NDST4: variants seen among roughly 807,000 people sequenced by gnomAD.
NDST4 encodes the protein N-deacetylase and N-sulfotransferase 4.
NDST4 carries 63 observed loss-of-function variants against 100.8 expected under a neutral mutation model. The ratio of observed to expected loss-of-function variants is 0.62; its 90% CI spans 0.51 to 0.77. The LOEUF is 0.77. Ranked by LOEUF, NDST4 falls within the 30% of genes least tolerant of loss-of-function variation. NDST4 has a pLI of 0.00. For missense variants in NDST4, 943 were observed against 1,018.4 expected (o/e 0.93, Z 1.01); for synonymous variants, 377 against 361.8 (o/e 1.04, Z -0.48).
At chr4:115,043,176 TA>T (rs1728390244) in intron 2 of NDST4, among the ~76,000 whole-genome samples, 1 of 148,026 alleles carries the variant, frequency 6.8e-6, no homozygotes, top group Non-Finnish European at 1.5e-5. Flanking sequence ...AATATAACTT[TA>T]AAAATAAAAA....
At chr4:115,018,555 A>G (rs1177288694) in intron 2 of NDST4, among the ~76,000 whole-genome samples, 3 of 151,972 alleles carry the variant, frequency 2.0e-5, no homozygotes, top group Non-Finnish European at 1.5e-5. Context: ...GAGTGCTTCT[A>G]TAACTATTAT....
At chr4:115,003,715 A>C (rs1727349576) in intron 2 of NDST4, among the ~76,000 whole-genome samples, 1 of 151,930 alleles carries the variant, frequency 6.6e-6, no homozygotes, top group Non-Finnish European at 1.5e-5. Flanking sequence ...AAAGTATAAA[A>C]AAATTAGCCA....
chr4:115,108,772 T>C (rs1729882014), intron 1 of NDST4, among the ~76,000 whole-genome samples: 1 of 151,986 alleles, frequency 6.6e-6, no homozygotes, highest in Non-Finnish European at 1.5e-5. Context: ...ATTTCACTTT[T>C]CCTTGATTGC....
chr4:115,089,589 CTG>C (rs1226467886), intron 1 of NDST4, among the ~76,000 whole-genome samples: 2 of 151,768 alleles, frequency 1.3e-5, no homozygotes, highest in East Asian at 1.9e-4. Context: ...CCCCAGAAGA[CTG>C]TGGGTACATT....
chr4:115,042,324 C>T (rs1045290120), intron 2 of NDST4, among the ~76,000 whole-genome samples: 1 of 152,010 alleles, frequency 6.6e-6, no homozygotes, highest in African/African-American at 2.4e-5. Context: ...CGTTATGGCT[C>T]AATGATCCAA....
intron 6 of NDST4, among the ~76,000 whole-genome samples, chr4:114,913,664 T>G (rs1725108139): frequency 6.6e-6 from 1 of 150,822 alleles, no homozygotes; most frequent in African/African-American, 2.4e-5. Flanking sequence ...AACTTTTCAA[T>G]CTACTACAGT....
chr4:114,836,659 G>C (rs1027735091), intron 11 of NDST4, among the ~76,000 whole-genome samples: 6 of 152,094 alleles, frequency 3.9e-5, no homozygotes, highest in Non-Finnish European at 7.4e-5. Context: ...GTGAATGTTG[G>C]CCTGTCTTGC....
chr4:115,026,413 CTTAT>C (rs1560571860), intron 2 of NDST4, among the ~76,000 whole-genome samples: 2 of 91,210 alleles, frequency 2.2e-5, no homozygotes, highest in East Asian at 4.9e-4. Context: ...TTCTCATAGT[CTTAT>C]TTTTTTTTAA....
At chr4:114,959,280 T>C (rs149023110) in intron 4 of NDST4, among the ~76,000 whole-genome samples, 48 of 151,504 alleles carry the variant, frequency 3.2e-4, no homozygotes, top group African/African-American at 1.1e-3. Context: ...CAAAGTCACA[T>C]CCACAATTTT....
At chr4:114,910,924 T>C (rs1725049197) in intron 6 of NDST4, among the ~76,000 whole-genome samples, 1 of 152,214 alleles carries the variant, frequency 6.6e-6, no homozygotes, top group Admixed American at 6.5e-5. Flanking sequence ...TTGTTTCTCA[T>C]TATCTCCATT....
intron 7 of NDST4, 137 bp downstream of exon 7, chr4:114,870,631 A>T (rs372214640): frequency 4.6e-6 from 3 of 646,408 alleles, no homozygotes; most frequent in East Asian, 6.8e-5. Flanking sequence ...GAGGAAGAGG[A>T]TAAAAGTATT....
intron 2 of NDST4, among the ~76,000 whole-genome samples, chr4:115,023,159 T>A (rs1727896998): frequency 6.6e-6 from 1 of 151,922 alleles, no homozygotes; most frequent in Admixed American, 6.6e-5. Context: ...GGGTGATGGG[T>A]GCACCAAAAT....
intron 9 of NDST4, among the ~76,000 whole-genome samples, chr4:114,847,796 G>A (rs947304571): frequency 3.3e-5 from 5 of 152,048 alleles, no homozygotes; most frequent in Non-Finnish European, 5.9e-5. Context: ...AAAACTTACA[G>A]TTTATGTGGT....
chr4:114,892,318 T>C (rs993555510), intron 6 of NDST4, among the ~76,000 whole-genome samples: 7 of 152,158 alleles, frequency 4.6e-5, no homozygotes, highest in African/African-American at 1.7e-4. Flanking sequence ...AGCTTGCTTA[T>C]ATTTTTCTAC....
intron 4 of NDST4, among the ~76,000 whole-genome samples, chr4:114,950,446 G>C (rs1725965325): frequency 6.6e-6 from 1 of 151,922 alleles, no homozygotes; most frequent in Non-Finnish European, 1.5e-5. Flanking sequence ...ACTATCTTCA[G>C]AACCATGTGG....
intron 4 of NDST4, among the ~76,000 whole-genome samples, chr4:114,969,911 C>T (rs900282530): frequency 6.6e-6 from 1 of 152,174 alleles, no homozygotes; most frequent in Non-Finnish European, 1.5e-5. Flanking sequence ...AATGGCTATA[C>T]TAATTTATAT....
rs577600056 is a variant in NDST4, at chr4:115,041,225, A to T, written c.978+34834T>A. 2.0e-5 allele frequency among the ~76,000 whole-genome samples: 3 copies of T among 152,214 alleles called. No homozygotes were observed. The East Asian group carries it at 5.8e-4, about 29-fold the overall frequency. On this transcript the variant is annotated intron_variant, in intron 2 of 13. Coordinates refer to ENST00000264363, the MANE Select transcript of NDST4 (RefSeq NM_022569.3). The stretch of plus-strand genomic sequence containing the variant: ...TAACTCCCTTTTTTGAAGCAGACTT[A>T]CTTAAATATTGAAACTGAATCTAAT...
At chr4:114,898,996 A>G (rs1724776355) in intron 6 of NDST4, among the ~76,000 whole-genome samples, 1 of 152,020 alleles carries the variant, frequency 6.6e-6, no homozygotes. Flanking sequence ...TTCCTTCCCA[A>G]TCAGTATACC....
At chr4:114,884,255 G>A (rs1046174355) in intron 6 of NDST4, among the ~76,000 whole-genome samples, 1 of 152,022 alleles carries the variant, frequency 6.6e-6, no homozygotes, top group African/African-American at 2.4e-5. Flanking sequence ...ATTCACACAT[G>A]CATGTGTGCT....
Sources: allele counts gnomAD v4.1 joint callset (sites outside exome capture counted in the v4.1 genomes callset), GRCh38; gene constraint gnomAD v4.1.1; transcripts MANE v1.5; gene names NCBI Gene and HGNC (gene_info 2026-07-23, HGNC 2026-07-21).